Variants in PDE1A observed in about 807,000 individuals in gnomAD.
PDE1A encodes phosphodiesterase 1A, also known as dual specificity calcium/calmodulin-dependent 3',5'-cyclic nucleotide phosphodiesterase 1A.
In PDE1A, 35 loss-of-function variants were observed where a neutral mutation model predicts 61.7. The ratio of observed to expected loss-of-function variants is 0.57; its 90% CI spans 0.43 to 0.75. The LOEUF (loss-of-function observed/expected upper bound fraction) is 0.75, where lower values mean the gene tolerates loss of function less well. PDE1A is among the 30% of genes least tolerant of loss of function. The pLI is 0.00. For synonymous variants in PDE1A, 232 were observed against 213.2 expected (o/e 1.09, Z -0.77); for missense variants, 597 against 630.6 (o/e 0.95, Z 0.57).
chr2:182,437,352 T>TA (rs1484832209), intron 2 of PDE1A, among the ~76,000 whole-genome samples: 1 of 151,890 alleles, frequency 6.6e-6, no homozygotes, highest in African/African-American at 2.4e-5. Flanking sequence ...ACCCAAACCG[T>TA]AAAAATAATT....
intron 1 of PDE1A, among the ~76,000 whole-genome samples, chr2:182,386,000 C>T (rs573109569): frequency 1.2e-3 from 184 of 152,310 alleles, no homozygotes; most frequent in Middle Eastern, 3.4e-3. Context: ...CCTGTGATTG[C>T]GGGCGTGTGC....
the PDE1A span, among the ~76,000 whole-genome samples, chr2:182,647,479 GC>G: frequency 6.6e-6 from 1 of 152,088 alleles, no homozygotes; most frequent in African/African-American, 2.4e-5. Flanking sequence ...TTTATAATGT[GC>G]CAAGAGCCTC....
intron 1 of PDE1A, among the ~76,000 whole-genome samples, chr2:182,424,669 T>C (rs1386535493): frequency 6.6e-6 from 1 of 152,184 alleles, no homozygotes; most frequent in Non-Finnish European, 1.5e-5. Flanking sequence ...GAAGTCTGTG[T>C]TATGGAAATC....
At chr2:182,594,360 G>GA in the PDE1A span, among the ~76,000 whole-genome samples, 1 of 152,194 alleles carries the variant, frequency 6.6e-6, no homozygotes, top group Non-Finnish European at 1.5e-5. Context: ...TCTTGGTAAA[G>GA]ATTTAAGCAA....
chr2:182,402,566 T>C (rs1335978889), intron 1 of PDE1A, among the ~76,000 whole-genome samples: 2 of 152,118 alleles, frequency 1.3e-5, no homozygotes, highest in African/African-American at 2.4e-5. Flanking sequence ...CCCCAAACCA[T>C]ACAAACCCTG....
chr2:182,516,750 A>AAG (rs1690198500), intron 2 of PDE1A, among the ~76,000 whole-genome samples: 7 of 143,432 alleles, frequency 4.9e-5, no homozygotes, highest in African/African-American at 7.8e-5. Flanking sequence ...GGAAAAAGAG[A>AAG]GAAAGAAAGA....
the PDE1A span, among the ~76,000 whole-genome samples, chr2:182,667,953 T>C: frequency 2.6e-5 from 4 of 151,872 alleles, no homozygotes; most frequent in African/African-American, 9.7e-5. Flanking sequence ...GATATTAGAG[T>C]CTGCTAAGGG....
intron 2 of PDE1A, among the ~76,000 whole-genome samples, chr2:182,481,977 T>C (rs1687729228): frequency 1.3e-5 from 2 of 152,068 alleles, no homozygotes; most frequent in South Asian, 4.1e-4. Context: ...GAACTGGAGA[T>C]ATACGATACC....
chr2:182,274,606 A>T (rs190227358), intron 1 of PDE1A, among the ~76,000 whole-genome samples: 131 of 152,260 alleles, frequency 8.6e-4, no homozygotes, highest in Non-Finnish European at 1.6e-3. Flanking sequence ...AAAAGAATTG[A>T]TTGAGAAGAC....
chr2:182,458,169 C>G (rs1052882511), intron 2 of PDE1A, among the ~76,000 whole-genome samples: 1 of 151,896 alleles, frequency 6.6e-6, no homozygotes, highest in African/African-American at 2.4e-5. Context: ...AACCATGGTA[C>G]AATGGGAAAC....
chr2:182,403,503 G>A (rs1384552345), intron 1 of PDE1A, among the ~76,000 whole-genome samples: 1 of 151,464 alleles, frequency 6.6e-6, no homozygotes, highest in Non-Finnish European at 1.5e-5. Flanking sequence ...GGAGGCTGAG[G>A]CAGGAGAATG....
intron 13 of PDE1A, among the ~76,000 whole-genome samples, chr2:182,148,189 G>T (rs1690594440): frequency 6.6e-6 from 1 of 152,106 alleles, no homozygotes; most frequent in African/African-American, 2.4e-5. Flanking sequence ...TAGAAGGTCT[G>T]GTCTCATGTA....
At chr2:182,265,637 T>C (rs1483274124) in intron 1 of PDE1A, among the ~76,000 whole-genome samples, 1 of 152,130 alleles carries the variant, frequency 6.6e-6, no homozygotes, top group South Asian at 2.1e-4. Flanking sequence ...AATTGTTATA[T>C]AGCAATAGGT....
the PDE1A span, among the ~76,000 whole-genome samples, chr2:182,690,070 G>T: frequency 2.6e-5 from 4 of 152,292 alleles, no homozygotes; most frequent in Admixed American, 6.5e-5. Flanking sequence ...TCCAGGACCA[G>T]ATGGATTCAC....
intron 2 of PDE1A, among the ~76,000 whole-genome samples, chr2:182,251,745 G>A (rs558930099): frequency 3.1e-4 from 47 of 152,170 alleles, no homozygotes; most frequent in African/African-American, 7.7e-4. Flanking sequence ...TTATTTCACC[G>A]TCAGTGATGA....
downstream of PDE1A, among the ~76,000 whole-genome samples, chr2:182,144,410 GCAAAACAAA>G (rs1690385733): frequency 6.6e-6 from 1 of 152,112 alleles, no homozygotes; most frequent in Non-Finnish European, 1.5e-5. Context: ...AAAAATGTAA[GCAAAACAAA>G]ACACTTTCGT....
chr2:182,517,305 T>C (rs953997345), intron 2 of PDE1A, among the ~76,000 whole-genome samples: 6 of 152,176 alleles, frequency 3.9e-5, no homozygotes, highest in African/African-American at 1.4e-4. Context: ...AATATGATGA[T>C]AAAGATGATA....
chr2:182,352,267 A>G (rs1698925621), intron 1 of PDE1A, among the ~76,000 whole-genome samples: 1 of 152,358 alleles, frequency 6.6e-6, no homozygotes, highest in South Asian at 2.1e-4. Flanking sequence ...CCACTGCATG[A>G]GCAGTGTCCA....
chr2:182,226,720 T>G (rs1038081734), intron 6 of PDE1A, among the ~76,000 whole-genome samples: 1 of 149,834 alleles, frequency 6.7e-6, no homozygotes, highest in African/African-American at 2.5e-5. Flanking sequence ...TGATTCCTAA[T>G]AGGCAGAAAT....
Sources: allele counts gnomAD v4.1 joint callset (sites outside exome capture counted in the v4.1 genomes callset), GRCh38; gene constraint gnomAD v4.1.1; transcripts MANE v1.5; gene names NCBI Gene and HGNC (gene_info 2026-07-23, HGNC 2026-07-21).